LVRN: variants seen among roughly 807,000 people sequenced by gnomAD.
The protein encoded by LVRN is aminopeptidase Q.
Under a neutral mutation model 111.4 loss-of-function variants are expected in LVRN, and 99 were observed. The ratio of observed to expected loss-of-function variants is 0.89; its 90% CI spans 0.76 to 1.05. LVRN has a LOEUF of 1.05. Ranked by LOEUF, LVRN falls within the 50% of genes least tolerant of loss-of-function variation. The pLI is 0.00. For missense variants in LVRN, 1,414 were observed against 1,206.8 expected, an observed-to-expected ratio of 1.17 and a Z score of -2.54; for synonymous variants, 488 against 449.5, an observed-to-expected ratio of 1.09 and a Z score of -1.08.
At chr5:115,965,738 C>T (rs1431740017) in intron 1 of LVRN, among the ~76,000 whole-genome samples, 2 of 152,026 alleles carry the variant, frequency 1.3e-5, no homozygotes, top group Non-Finnish European at 2.9e-5. Flanking sequence ...CTGGCATTTC[C>T]CCTGCTTGCA....
chr5:115,971,922 T>C (rs993156586), intron 1 of LVRN, among the ~76,000 whole-genome samples: 1 of 150,832 alleles, frequency 6.6e-6, no homozygotes, highest in South Asian at 2.1e-4. Context: ...AGAATTCAAA[T>C]GTTAAAAATA....
In LVRN at chr5:115,962,948, C is replaced by G; in HGVS notation, c.331C>G (p.Leu111Val). 1 of 1,613,154 alleles carries G rather than the reference C, an allele frequency of 6.2e-7. No homozygotes were observed. The highest frequency in any genetic ancestry group is 8.5e-7 in the Non-Finnish European group (1 of 1,179,822). ...WLVPLHYDLE[L>V]WPQLRPDELP... ...CGTGCCGCTGCACTACGATCTGGAG[C>G]TGTGGCCGCAGCTGAGGCCCGACGA... Residue 111 changes from leucine (L) to valine (V), a missense_variant, in exon 1 of 20, where the codon CTG (leucine) becomes GTG (valine). Physicochemically the swap from Leu to Val is conservative, Grantham distance 32. Transcript: ENST00000357872.
chr5:115,977,853 A>G (rs1367242450), intron 1 of LVRN, among the ~76,000 whole-genome samples: 1 of 152,228 alleles, frequency 6.6e-6, no homozygotes, highest in East Asian at 1.9e-4. Flanking sequence ...TTTTGTTCAA[A>G]GATTCCCAGA....
intron 1 of LVRN, among the ~76,000 whole-genome samples, chr5:115,972,763 GA>G (rs1162383416): frequency 6.6e-6 from 1 of 151,906 alleles, no homozygotes; most frequent in African/African-American, 2.4e-5. Context: ...TCATTAGGTT[GA>G]AAACGTTTCC....
chr5:115,992,400 A>C, intron 5 of LVRN, 123 bp downstream of exon 5: 2 of 1,132,624 alleles, frequency 1.8e-6, no homozygotes, highest in East Asian at 2.4e-5. Context: ...AAACATCTCA[A>C]AGTATGACAG....
In LVRN at chr5:116,015,617, C is replaced by T. The variant is rs376900284; in HGVS notation, c.2619-11C>T. On this transcript the variant is annotated splice_polypyrimidine_tract_variant and intron_variant, in intron 17 of 19. Coordinates refer to ENST00000357872, the MANE Select transcript of LVRN (RefSeq NM_173800.5). ...GTTTAAAATGTATTTTTTGAAAATGCACTTTTGCAGATATATGGAGTATGC... is the reference window on the plus strand; with the variant it reads ...GTTTAAAATGTATTTTTTGAAAATGTACTTTTGCAGATATATGGAGTATGC... 23 of 1,579,646 alleles carry T rather than the reference C, an allele frequency of 1.5e-5. No individual in the cohort carries two copies. Among genetic ancestry groups the T allele is most frequent in the Non-Finnish European group, 1.0e-5 (12 of 1,165,520 alleles).
At position 115,963,016 on chromosome 5, in the gene LVRN, C is replaced by G. The variant is rs571373626; in HGVS notation, c.399C>G (p.Ile133Met). The change falls in exon 1 of 20, where the codon ATC becomes ATG. Residue 133 changes from isoleucine (I) to methionine (M), a missense_variant. Ile to Met is a conservative substitution (Grantham distance 10, BLOSUM62 1). Coordinates refer to ENST00000357872, the MANE Select transcript of LVRN (RefSeq NM_173800.5). Reference sequence around the variant, plus strand: ...TGCCCTTCACTGGCCGCGTGAACATCACGGTGCGCTGCACGGTGGCCACCT... The same window carrying G: ...TGCCCTTCACTGGCCGCGTGAACATGACGGTGCGCTGCACGGTGGCCACCT... ...GSLPFTGRVN[I>M]TVRCTVATSR... 2.5e-6 allele frequency: 4 copies of G among 1,613,550 alleles called. No homozygotes were observed. The highest frequency in any genetic ancestry group is 3.4e-6 in the Non-Finnish European group (4 of 1,179,942).
chr5:116,010,811 G>A lies in LVRN; in HGVS notation c.2164G>A (p.Val722Ile). Residue 722 changes from valine (V) to isoleucine (I), a missense_variant, in exon 14 of 20, where the codon GTA (valine) becomes ATA (isoleucine). Transcript: ENST00000357872. ...KYLAEEDEII[V>I]WHTVLVNLVT... ...CCTTGCTGAAGAAGATGAAATTATA[G>A]TATGGCATACAGTCTTGGTAAACTT... The A allele has an allele frequency of 6.2e-7, 1 of 1,612,620 alleles. No homozygotes were observed. The highest frequency in any genetic ancestry group is 8.5e-7 in the Non-Finnish European group (1 of 1,179,198).
chr5:116,012,499 TA>T (rs1355687840), intron 15 of LVRN, 31 bp downstream of exon 15: 2 of 1,292,770 alleles, frequency 1.5e-6, no homozygotes, highest in African/African-American at 3.1e-5. Flanking sequence ...GATAATTGAA[TA>T]AAATGCATTC....
intron 1 of LVRN, among the ~76,000 whole-genome samples, chr5:115,965,446 T>G (rs926545675): frequency 1.2e-4 from 19 of 152,256 alleles, no homozygotes; most frequent in African/African-American, 4.1e-4. Context: ...ATGTTATGTG[T>G]ATTTTACTAG....
chr5:115,972,846 CTTTTGAGATGATTATATA>C (rs1354946946), intron 1 of LVRN, among the ~76,000 whole-genome samples: 1 of 151,686 alleles, frequency 6.6e-6, no homozygotes, highest in Non-Finnish European at 1.5e-5. Flanking sequence ...TATTCTGCAT[CTTTTGAGATGATTATATA>C]GTTTTTATTA....
chr5:115,992,571 C>G (rs1748020646), intron 5 of LVRN, among the ~76,000 whole-genome samples: 1 of 152,120 alleles, frequency 6.6e-6, no homozygotes, highest in African/African-American at 2.4e-5. Flanking sequence ...ACCATGCAGA[C>G]ACAGGAGTAT....
intron 3 of LVRN, among the ~76,000 whole-genome samples, 165 bp from the exon 4 acceptor site, chr5:115,987,648 T>G (rs575393153): frequency 1.3e-5 from 2 of 152,284 alleles, no homozygotes; most frequent in Admixed American, 6.5e-5. Context: ...GTGAACAGCC[T>G]TCAGGGGTTT....
At chr5:115,970,794 G>C (rs1329331902) in intron 1 of LVRN, among the ~76,000 whole-genome samples, 1 of 152,156 alleles carries the variant, frequency 6.6e-6, no homozygotes, top group African/African-American at 2.4e-5. Context: ...CATTTGGGTT[G>C]TTTTCAGTTT....
intron 1 of LVRN, among the ~76,000 whole-genome samples, chr5:115,966,423 G>A (rs1220191291): frequency 2.0e-5 from 3 of 152,218 alleles, no homozygotes; most frequent in African/African-American, 7.2e-5. Flanking sequence ...ATGGATGTAT[G>A]AAAGTTTATT....
intron 3 of LVRN, among the ~76,000 whole-genome samples, chr5:115,986,587 T>C (rs2112576118): frequency 6.6e-6 from 1 of 152,294 alleles, no homozygotes; most frequent in South Asian, 2.1e-4. Flanking sequence ...AGCTCAGCTT[T>C]ACAAAGTTAA....
intron 6 of LVRN, among the ~76,000 whole-genome samples, chr5:115,994,101 T>C (rs1033707842): frequency 8.5e-5 from 13 of 152,264 alleles, no homozygotes; most frequent in Non-Finnish European, 1.8e-4. Flanking sequence ...CATATTCAAC[T>C]TCATATTTCT....
intron 13 of LVRN, among the ~76,000 whole-genome samples, chr5:116,007,952 C>T (rs1748412006): frequency 6.6e-6 from 1 of 152,126 alleles, no homozygotes; most frequent in Non-Finnish European, 1.5e-5. Context: ...AGGCAGCAAA[C>T]TTAATAATTG....
intron 1 of LVRN, among the ~76,000 whole-genome samples, chr5:115,971,274 T>A (rs1753319071): frequency 5.5e-5 from 3 of 54,798 alleles, no homozygotes. Context: ...ATTTTTCAGT[T>A]GTGGCTTGTC....
Sources: gnomAD v4.1 joint callset for allele counts (sites outside exome capture counted in the v4.1 genomes callset) on GRCh38, gnomAD v4.1.1 for gene constraint, MANE v1.5 for transcripts, NCBI Gene and HGNC (gene_info 2026-07-23, HGNC 2026-07-21) for gene names.